The following UPRT variants were observed in gnomAD, a reference collection of about 807,000 sequenced individuals.
UPRT encodes uracil phosphoribosyltransferase homolog.
Under a neutral mutation model 22.6 loss-of-function variants are expected in UPRT, and 5 were observed. The observed-to-expected ratio is 0.22, with a 90% CI of 0.12 to 0.47. The LOEUF is 0.47. Ranked by LOEUF, UPRT falls within the 20% of genes least tolerant of loss-of-function variation. The probability of loss-of-function intolerance (pLI) is 0.99; values close to 1 mark genes in which losing one functional copy is unlikely to be tolerated. For missense variants in UPRT, 181 were observed against 239.9 expected, an observed-to-expected ratio of 0.75 and a Z score of 1.62; for synonymous variants, 77 against 87.7, an observed-to-expected ratio of 0.88 and a Z score of 0.68.
At chrX:75,255,633 G>T (rs1226351073) in intron 4 of UPRT, among the ~76,000 whole-genome samples, 1 of 111,191 alleles carries the variant, frequency 9.0e-6, no homozygotes, top group Admixed American at 9.6e-5. Context: ...AACACACAAG[G>T]ACTCACATAA....
At chrX:75,208,008 G>A (rs978007719) in intron 4 of UPRT, among the ~76,000 whole-genome samples, 5 of 111,552 alleles carry the variant, frequency 4.5e-5, no homozygotes, top group African/African-American at 1.6e-4. Context: ...GGGCCCATGT[G>A]AGGCCATGTA....
intron 3 of UPRT, among the ~76,000 whole-genome samples, chrX:75,163,573 A>G (rs1425927599): frequency 8.9e-6 from 1 of 111,913 alleles, no homozygotes; most frequent in Non-Finnish European, 1.9e-5. Context: ...CTATGACAAA[A>G]AACTGGGGTT....
intron 4 of UPRT, among the ~76,000 whole-genome samples, chrX:75,209,943 T>C (rs2082376054): frequency 8.9e-6 from 1 of 112,431 alleles, no homozygotes; most frequent in Non-Finnish European, 1.9e-5. Context: ...TAAGTCTCTT[T>C]GGGAGGTTTG....
intron 1 of UPRT, chrX:75,156,651 T>A (rs770961564): frequency 4.3e-5 from 15 of 348,063 alleles, no homozygotes; most frequent in Admixed American, 2.2e-4. Context: ...TCTCTCATAA[T>A]ACTCTCTTAC....
chrX:75,238,941 A>T (rs1216853019), intron 4 of UPRT, among the ~76,000 whole-genome samples: 5 of 111,691 alleles, frequency 4.5e-5, no homozygotes, highest in Non-Finnish European at 9.4e-5. Context: ...GACAGTCAAA[A>T]CCTCTGGGAT....
At chrX:75,293,255 T>C (rs1455336419) in intron 1 of UPRT, among the ~76,000 whole-genome samples, 1 of 111,577 alleles carries the variant, frequency 9.0e-6, no homozygotes, top group Non-Finnish European at 1.9e-5. Flanking sequence ...TTCCAGTCTC[T>C]AATGTTGGTA....
At chrX:75,284,973 G>C (rs1205366114) in intron 1 of UPRT, among the ~76,000 whole-genome samples, 1 of 111,161 alleles carries the variant, frequency 9.0e-6, no homozygotes, top group Non-Finnish European at 1.9e-5. Context: ...CGGTCTTGCT[G>C]TGGCTGCCGT....
chrX:75,182,171 A>G (rs2082272377), intron 4 of UPRT, among the ~76,000 whole-genome samples: 1 of 112,169 alleles, frequency 8.9e-6, no homozygotes, highest in Non-Finnish European at 1.9e-5. Flanking sequence ...GGATTTGCAT[A>G]TGTTGAACCA....
chrX:75,230,925 C>A (rs2082436386), intron 4 of UPRT, among the ~76,000 whole-genome samples: 1 of 112,154 alleles, frequency 8.9e-6, no homozygotes, highest in African/African-American at 3.2e-5. Flanking sequence ...CAATGAATCA[C>A]CCTATGGGAC....
chrX:75,251,730 C>T (rs1382851736), intron 4 of UPRT, among the ~76,000 whole-genome samples: 2 of 111,200 alleles, frequency 1.8e-5, no homozygotes, highest in African/African-American at 6.5e-5. Flanking sequence ...TCATATAGAA[C>T]CAAAAAAGAG....
At chrX:75,276,133 T>C (rs2082630654) in intron 1 of UPRT, among the ~76,000 whole-genome samples, 1 of 112,044 alleles carries the variant, frequency 8.9e-6, no homozygotes, top group South Asian at 3.7e-4. Flanking sequence ...ATACTTATTC[T>C]TCAGGGTGAA....
At chrX:75,251,615 G>A (rs766957373) in intron 4 of UPRT, among the ~76,000 whole-genome samples, 119 of 111,694 alleles carry the variant, frequency 1.1e-3, no homozygotes, top group African/African-American at 3.7e-3. Context: ...AAGAATGAAT[G>A]TCGTGAAAAT....
intron 4 of UPRT, among the ~76,000 whole-genome samples, chrX:75,267,483 A>T (rs2082594108): frequency 8.9e-6 from 1 of 111,909 alleles, no homozygotes; most frequent in Non-Finnish European, 1.9e-5. Context: ...GTAAATGACG[A>T]GTTAATGGGT....
rs148317445 is a variant in UPRT, at chrX:75,238,386, G to A, written c.-446-52638G>A. ...CAACAACAGTTAAAACAGATAAAGAGGGGCATTATATAATGACAAAAGAAT... is the reference window on the plus strand; with the variant it reads ...CAACAACAGTTAAAACAGATAAAGAAGGGCATTATATAATGACAAAAGAAT... On this transcript the variant is annotated intron_variant, in intron 4 of 13. Transcript: ENST00000652605. Among the ~76,000 whole-genome samples the A allele has an allele frequency of 4.8e-3, 531 of 111,727 alleles. 1 individual carries two copies. Among genetic ancestry groups the A allele is most frequent in the African/African-American group, 0.016 (496 of 30,824 alleles).
intron 4 of UPRT, among the ~76,000 whole-genome samples, chrX:75,254,877 G>A (rs1016293724): frequency 4.8e-5 from 5 of 103,243 alleles, no homozygotes; most frequent in Admixed American, 2.2e-4. Context: ...CCGGGTTCAC[G>A]CCATTCTCCT....
intron 4 of UPRT, among the ~76,000 whole-genome samples, chrX:75,201,309 TC>T (rs1365781622): frequency 8.9e-6 from 1 of 112,860 alleles, no homozygotes; most frequent in African/African-American, 3.2e-5. Context: ...TACTTGGACT[TC>T]TTTTATGGCA....
upstream of UPRT, among the ~76,000 whole-genome samples, chrX:75,269,833 A>C (rs1388605624): frequency 8.9e-6 from 1 of 111,822 alleles, no homozygotes; most frequent in African/African-American, 3.2e-5. Flanking sequence ...ACCATTCAGG[A>C]CATAGGCATG....
intron 6 of UPRT, among the ~76,000 whole-genome samples, chrX:75,301,316 C>T (rs977307695): frequency 2.7e-5 from 3 of 111,799 alleles, no homozygotes; most frequent in South Asian, 3.7e-4. Context: ...TTCTAGCTAG[C>T]CCTGTAGTCT....
intron 6 of UPRT, 117 bp from the exon 7 acceptor site, chrX:75,303,288 G>A: frequency 1.9e-6 from 1 of 518,871 alleles, no homozygotes; most frequent in Non-Finnish European, 3.3e-6. Flanking sequence ...GGTATCCAAA[G>A]ATCATTGCTC....
Sources: allele counts gnomAD v4.1 joint callset (sites outside exome capture counted in the v4.1 genomes callset), GRCh38; gene constraint gnomAD v4.1.1; transcripts MANE v1.5; gene names NCBI Gene and HGNC (gene_info 2026-07-23, HGNC 2026-07-21).